The following ACTN4 variants were observed in gnomAD, a reference collection of about 807,000 sequenced individuals.
ACTN4 encodes the protein alpha-actinin-4.
A neutral mutation model predicts 114.2 loss-of-function variants in ACTN4; 18 were observed. That is an observed-to-expected ratio of 0.16 (90% CI 0.11 to 0.23). ACTN4 has a LOEUF of 0.23. Ranked by LOEUF, ACTN4 falls within the 10% of genes least tolerant of loss-of-function variation. The pLI is 1.00. For missense variants in ACTN4, 722 were observed against 1,262.9 expected, an observed-to-expected ratio of 0.57 and a Z score of 6.49; for synonymous variants, 515 against 506.3, an observed-to-expected ratio of 1.02 and a Z score of -0.23.
intron 1 of ACTN4, among the ~76,000 whole-genome samples, chr19:38,656,206 G>A (rs1307135360): frequency 1.3e-5 from 2 of 152,034 alleles, no homozygotes; most frequent in Admixed American, 6.6e-5. Context: ...CTTTGACCTC[G>A]GGCTCAAGCC....
At chr19:38,678,274 C>G (rs1309735507) in intron 1 of ACTN4, among the ~76,000 whole-genome samples, 1 of 152,154 alleles carries the variant, frequency 6.6e-6, no homozygotes, top group African/African-American at 2.4e-5. Flanking sequence ...TTGAGACTTC[C>G]TTTTTATACA....
chr19:38,716,952 G>T (rs1454058839), intron 9 of ACTN4, 134 bp from the exon 10 acceptor site: 17 of 978,730 alleles, frequency 1.7e-5, no homozygotes, highest in African/African-American at 3.2e-5. Flanking sequence ...GAGAAGTTGG[G>T]CTGGGGAGCA....
intron 1 of ACTN4, among the ~76,000 whole-genome samples, chr19:38,650,524 A>T (rs1406776182): frequency 1.3e-5 from 2 of 152,206 alleles, no homozygotes; most frequent in Non-Finnish European, 2.9e-5. Flanking sequence ...CCAGAGCCAG[A>T]TTCTAGTACC....
chr19:38,716,352 G>C (rs1404967205), intron 9 of ACTN4, among the ~76,000 whole-genome samples: 1 of 152,258 alleles, frequency 6.6e-6, no homozygotes, highest in Non-Finnish European at 1.5e-5. Flanking sequence ...GGCCTAGCCA[G>C]ACTGAGCCAG....
In ACTN4 at chr19:38,705,036, A is replaced by T; in HGVS notation, c.484+16A>T. ...TCCGTGGAAGGTGACAGCCACCTGTACTGCCCCCGCTTCCCACCTGAGTCA... is the reference window on the plus strand; with the variant it reads ...TCCGTGGAAGGTGACAGCCACCTGTTCTGCCCCCGCTTCCCACCTGAGTCA... On this transcript the variant is annotated intron_variant, in intron 4 of 20. Transcript: ENST00000252699. 6.2e-7 allele frequency: 1 copy of T among 1,611,568 alleles called. No homozygotes were observed. Among genetic ancestry groups the T allele is most frequent in the Non-Finnish European group, 8.5e-7 (1 of 1,177,638 alleles).
At chr19:38,654,166 A>G (rs910355821) in intron 1 of ACTN4, among the ~76,000 whole-genome samples, 6 of 152,194 alleles carry the variant, frequency 3.9e-5, no homozygotes, top group Admixed American at 3.3e-4. Context: ...CAATGAATCA[A>G]AGAGAAACAG....
chr19:38,693,780 G>A (rs1000759540), intron 1 of ACTN4, among the ~76,000 whole-genome samples: 11 of 152,112 alleles, frequency 7.2e-5, no homozygotes, highest in Admixed American at 2.0e-4. Context: ...CTAGGTCTCC[G>A]TCTCCCTCCT....
At chr19:38,722,570 G>T (rs1969083127) in intron 12 of ACTN4, among the ~76,000 whole-genome samples, 2 of 152,100 alleles carry the variant, frequency 1.3e-5, no homozygotes, top group African/African-American at 4.8e-5. Context: ...TGCTTTGAGG[G>T]TTCCCCATTG....
At chr19:38,674,508 G>A (rs984700893) in intron 1 of ACTN4, among the ~76,000 whole-genome samples, 3 of 152,148 alleles carry the variant, frequency 2.0e-5, no homozygotes, top group African/African-American at 7.2e-5. Context: ...TATCTGTTTC[G>A]ATGCTGGGAC....
At position 38,727,244 on chromosome 19, in the gene ACTN4, C is replaced by A; in HGVS notation, c.2337+141C>A. ...CACTCCCAGGGCCAGCAGGGCCCTG[C>A]CACTGTCAGGGTGTAGGTGTGCGGC... On this transcript the variant is annotated intron_variant, in intron 18 of 20. Transcript: ENST00000252699. This position sits in a 1 kb window ranked among gnomAD's most constrained non-coding sequence, Gnocchi z 5.4. 1 of 1,315,128 alleles carries A rather than the reference C, an allele frequency of 7.6e-7. No individual in the cohort carries two copies. The highest frequency in any genetic ancestry group is 1.1e-6 in the Non-Finnish European group (1 of 939,144). The allele number at this position is 1,315,128 out of a possible 1,614,324, so 81.5% of individuals were successfully genotyped here. A position where few individuals can be genotyped will look rare whatever the true frequency, so the allele number is the denominator to read the frequency against.
chr19:38,717,178 C>A lies in ACTN4; in HGVS notation c.1005C>A (p.Phe335Leu). 6.2e-7 allele frequency: 1 copy of A among 1,614,280 alleles called. No homozygotes were observed. The highest frequency in any genetic ancestry group is 8.5e-7 in the Non-Finnish European group (1 of 1,180,054). The change falls in exon 10 of 21, where the codon TTC (phenylalanine) becomes TTA (leucine). Residue 335 changes from phenylalanine to leucine, a missense_variant. Around this residue, in one of 3 missense-constraint regions of ACTN4, gnomAD observed 523 missense variants for 875.9 expected, o/e 0.60. Coordinates refer to ENST00000252699, the MANE Select transcript of ACTN4 (RefSeq NM_004924.6). The surrounding 1 kb of genome is among the most constrained non-coding windows in gnomAD (Gnocchi z 4.0). ...AGATGCAGCAGAAGCTGGAGGACTT[C>A]CGCGACTACCGGCGTGTGCACAAGC... ...IQEMQQKLED[F>L]RDYRRVHKPP...
At chr19:38,710,184 C>T (rs1406882509) in intron 7 of ACTN4, 73 bp from the exon 8 acceptor site, 16 of 1,526,536 alleles carry the variant, frequency 1.0e-5, no homozygotes, top group East Asian at 2.2e-5. Context: ...CTTGGGAGCC[C>T]GTGGATCCCA....
At chr19:38,651,738 TTTG>T (rs971303348) in intron 1 of ACTN4, among the ~76,000 whole-genome samples, 2 of 152,020 alleles carry the variant, frequency 1.3e-5, no homozygotes, top group Non-Finnish European at 2.9e-5. Flanking sequence ...TTTGTTTTGT[TTTG>T]TTTTGTTTTT....
At chr19:38,725,406 G>A (rs552918627) in intron 16 of ACTN4, among the ~76,000 whole-genome samples, 2 of 152,310 alleles carry the variant, frequency 1.3e-5, no homozygotes, top group South Asian at 4.1e-4. Flanking sequence ...CGTGAGCCTC[G>A]GTTTCTACCT....
chr19:38,718,332 G>C, intron 11 of ACTN4: 1 of 656,888 alleles, frequency 1.5e-6, no homozygotes, highest in Non-Finnish European at 2.7e-6. Flanking sequence ...TTTGAGACCA[G>C]CCTGGGCAAC....
At chr19:38,714,390 A>G (rs1311778278) in intron 8 of ACTN4, 79 bp from the exon 9 acceptor site, 2 of 1,332,968 alleles carry the variant, frequency 1.5e-6, no homozygotes, top group East Asian at 4.8e-5. Context: ...GCCATGGACC[A>G]GCTGCTTTCA....
chr19:38,711,428 A>C (rs1335742556), intron 8 of ACTN4: 2 of 795,302 alleles, frequency 2.5e-6, no homozygotes, highest in Non-Finnish European at 3.1e-6. Context: ...CCCTTGCATC[A>C]CCGCTGGCCA....
chr19:38,717,588 G>C lies in ACTN4; in HGVS notation c.1143+272G>C, dbSNP rs184474862. Among the ~76,000 whole-genome samples, 306 of 152,286 alleles carry C rather than the reference G, an allele frequency of 2.0e-3. 1 individual carries two copies. Among genetic ancestry groups the C allele is most frequent in the Admixed American group, 3.9e-3 (60 of 15,304 alleles). The stretch of plus-strand genomic sequence containing the variant: ...TGTGGGTGTGGAGTGGTGTGAATTT[G>C]GAGCCGTGGTCTGCCATGATGGCAT... On this transcript the variant is annotated intron_variant, in intron 10 of 20. Coordinates refer to ENST00000252699, the MANE Select transcript of ACTN4 (RefSeq NM_004924.6). This position sits in a 1 kb window ranked among gnomAD's most constrained non-coding sequence, Gnocchi z 4.0.
intron 1 of ACTN4, among the ~76,000 whole-genome samples, chr19:38,671,964 T>C (rs1289193545): frequency 6.6e-6 from 1 of 152,198 alleles, no homozygotes; most frequent in Non-Finnish European, 1.5e-5. Context: ...GTTGTAATGC[T>C]TTGCATTGCT....
Sources: gnomAD v4.1 joint callset for allele counts (sites outside exome capture counted in the v4.1 genomes callset) on GRCh38, gnomAD v4.1.1 for gene constraint, gnomAD v4.1.1 regional missense constraint, Gnocchi (gnomAD v3.1) non-coding constraint, MANE v1.5 for transcripts, NCBI Gene and HGNC (gene_info 2026-07-23, HGNC 2026-07-21) for gene names.